Variants in DOCK5 observed in about 807,000 individuals in gnomAD.
The protein encoded by DOCK5 is dedicator of cytokinesis protein 5.
Under a neutral mutation model 251.8 loss-of-function variants are expected in DOCK5, and 142 were observed. The ratio of observed to expected loss-of-function variants is 0.56; its 90% CI spans 0.49 to 0.65. DOCK5 has a LOEUF of 0.65. DOCK5 is among the 30% of genes least tolerant of loss of function. DOCK5 has a pLI of 0.00. For synonymous variants in DOCK5, 842 were observed against 835.5 expected (o/e 1.01, Z -0.13); for missense variants, 2,111 against 2,312.3 (o/e 0.91, Z 1.79).
rs1205298349 is a variant in DOCK5, at chr8:25,414,924, A to ATTTTTTTTT, written c.*3630_*3631insTTTTTTTTT. The ATTTTTTTTT allele has an allele frequency of 1.2e-3, 78 of 64,222 alleles. No individual in the cohort carries two copies. The highest frequency in any genetic ancestry group is 8.2e-3 in the Middle Eastern group (1 of 122). The allele number at this position is 64,222 out of a possible 1,614,324, so 4.0% of individuals were successfully genotyped here. On this transcript the variant is annotated 3_prime_UTR_variant, in exon 52 of 52. Coordinates refer to ENST00000276440, the MANE Select transcript of DOCK5 (RefSeq NM_024940.8). ...CTGGGCCTGTCTTTTTTTTTTTTTA[A>ATTTTTTTTT]TTTTGAAGCTACCTGAGGTTTAGAA...
chr8:25,219,401 C>G (rs924734303), intron 1 of DOCK5, among the ~76,000 whole-genome samples: 4 of 152,144 alleles, frequency 2.6e-5, no homozygotes, highest in Non-Finnish European at 4.4e-5. Flanking sequence ...CATAGTCGCT[C>G]TTTATATCTC....
intron 39 of DOCK5, 103 bp from the exon 40 acceptor site, chr8:25,382,571 T>C: frequency 4.4e-6 from 4 of 907,128 alleles, no homozygotes; most frequent in Non-Finnish European, 6.8e-6. Context: ...GACCTTTCAT[T>C]GCTCTGGGTT....
In DOCK5 at chr8:25,355,712, A is replaced by G. The variant is rs551349437; in HGVS notation, c.2851-3251A>G. 4.9e-4 allele frequency among the ~76,000 whole-genome samples: 75 copies of G among 152,304 alleles called. 2 individuals carry two copies. In the South Asian group the frequency reaches 9.1e-3, roughly 19 times the overall value. On this transcript the variant is annotated intron_variant, in intron 27 of 51. Transcript: ENST00000276440. ...TGATCCACCCGCCTTAGCATCCTAA[A>G]GTGCTGGGATTACAGGCATGAGCCA...
chr8:25,205,196 T>C (rs766042300), intron 1 of DOCK5, among the ~76,000 whole-genome samples: 3 of 152,094 alleles, frequency 2.0e-5, no homozygotes, highest in Middle Eastern at 3.4e-3. Flanking sequence ...CTGTGCCTGG[T>C]CTCTTCTTTT....
intron 1 of DOCK5, among the ~76,000 whole-genome samples, chr8:25,217,626 G>A (rs780392018): frequency 3.9e-5 from 6 of 152,176 alleles, no homozygotes; most frequent in Non-Finnish European, 5.9e-5. Flanking sequence ...GGTGGGTTAT[G>A]TTGGTGGAGA....
intron 18 of DOCK5, among the ~76,000 whole-genome samples, chr8:25,326,462 A>G (rs1422137674): frequency 1.3e-5 from 2 of 152,186 alleles, no homozygotes; most frequent in African/African-American, 4.8e-5. Flanking sequence ...TTCAACTTGG[A>G]CAAGTGGCTA....
At chr8:25,350,271 T>C (rs1430743000) in intron 26 of DOCK5, among the ~76,000 whole-genome samples, 1 of 152,182 alleles carries the variant, frequency 6.6e-6, no homozygotes. Context: ...ATGATTTAGT[T>C]ATTTGAAGCA....
chr8:25,226,453 G>A (rs1029141649), intron 1 of DOCK5, among the ~76,000 whole-genome samples: 7 of 151,568 alleles, frequency 4.6e-5, no homozygotes, highest in South Asian at 2.1e-4. Flanking sequence ...TATTAGAGAC[G>A]GGGTTTCGCC....
chr8:25,395,631 ACCGGTC>A lies in DOCK5; in HGVS notation c.4619_4624del (p.Arg1540_Ser1541del). 1 of 1,613,392 alleles carries A rather than the reference ACCGGTC, an allele frequency of 6.2e-7. No homozygotes were observed. The highest frequency in any genetic ancestry group is 8.5e-7 in the Non-Finnish European group (1 of 1,179,750). On this transcript the variant is annotated inframe_deletion, in exon 45 of 52. Transcript: ENST00000276440. ...AACTGTGTTCAGCAGCATGCCTGGG[ACCGGTC>A]CCTCTCTGTGCACCCTCTCTCCATG...
At chr8:25,318,592 CTTTTTTTTTT>C (rs546657586) in intron 14 of DOCK5, among the ~76,000 whole-genome samples, 1 of 88,248 alleles carries the variant, frequency 1.1e-5, no homozygotes, top group African/African-American at 4.5e-5. Context: ...TTCTTTCCTT[CTTTTTTTTTT>C]TTTTTTTTTT....
At position 25,392,075 on chromosome 8, in the gene DOCK5, G is replaced by A. The variant is rs115057134; in HGVS notation, c.4440+95G>A. 4,877 of 1,171,984 alleles carry A rather than the reference G, an allele frequency of 4.2e-3. 145 individuals carry two copies. In the African/African-American group the frequency reaches 0.067, roughly 16 times the overall value. The allele number at this position is 1,171,984 out of a possible 1,614,324, so 72.6% of individuals were successfully genotyped here. ...TCCCAGCATTCTGGGAGGCCGATGC[G>A]GGCGGATCACGAAGTCAAGAGATCG... On this transcript the variant is annotated intron_variant, in intron 43 of 51. Coordinates refer to ENST00000276440, the MANE Select transcript of DOCK5 (RefSeq NM_024940.8).
chr8:25,408,208 C>G, intron 49 of DOCK5, 54 bp downstream of exon 49: 1 of 1,509,116 alleles, frequency 6.6e-7, no homozygotes. Context: ...CCCCTCTCCC[C>G]TGTACCCAGG....
chr8:25,361,039 C>T (rs1410934491), intron 28 of DOCK5, among the ~76,000 whole-genome samples: 2 of 152,128 alleles, frequency 1.3e-5, no homozygotes, highest in Non-Finnish European at 2.9e-5. Context: ...CACAGCTAGG[C>T]CTTTGCCTCC....
At chr8:25,243,190 G>A (rs184428299) in intron 1 of DOCK5, among the ~76,000 whole-genome samples, 6 of 152,242 alleles carry the variant, frequency 3.9e-5, no homozygotes, top group East Asian at 3.9e-4. Context: ...AACACAGTTC[G>A]TGATGTGTAG....
chr8:25,222,387 C>T (rs546768672), intron 1 of DOCK5, among the ~76,000 whole-genome samples: 26 of 152,220 alleles, frequency 1.7e-4, no homozygotes, highest in African/African-American at 6.0e-4. Flanking sequence ...ATTATGTTCA[C>T]TTCTAGGCTG....
intron 36 of DOCK5, 69 bp downstream of exon 36, chr8:25,373,727 C>A (rs1043965366): frequency 7.7e-6 from 11 of 1,432,396 alleles, no homozygotes; most frequent in Non-Finnish European, 1.0e-5. Context: ...CTTCAGTAAA[C>A]AAATACTTTC....
intron 47 of DOCK5, among the ~76,000 whole-genome samples, chr8:25,402,833 A>C (rs532875526): frequency 7.9e-5 from 12 of 152,020 alleles, no homozygotes; most frequent in African/African-American, 2.9e-4. Flanking sequence ...TTTCTCCCCC[A>C]TTCCTGTCTG....
chr8:25,316,987 G>A lies in DOCK5; in HGVS notation c.1319-20G>A. 2 of 1,613,166 alleles carry A rather than the reference G, an allele frequency of 1.2e-6. No homozygotes were observed. The highest frequency in any genetic ancestry group is 8.5e-7 in the Non-Finnish European group (1 of 1,179,358). On this transcript the variant is annotated intron_variant, in intron 13 of 51. Coordinates refer to ENST00000276440, the MANE Select transcript of DOCK5 (RefSeq NM_024940.8). ...ATGACTTCTCTCAGCAACACTCACAGCATGCTTATCATGTTGCAGGAGATG... is the reference window on the plus strand; with the variant it reads ...ATGACTTCTCTCAGCAACACTCACAACATGCTTATCATGTTGCAGGAGATG...
At chr8:25,250,785 G>T (rs56081271) in intron 2 of DOCK5, among the ~76,000 whole-genome samples, 1 of 152,202 alleles carries the variant, frequency 6.6e-6, no homozygotes, top group Non-Finnish European at 1.5e-5. Flanking sequence ...GGGGAGAAGA[G>T]GGTGGTATTG....
Sources: allele counts gnomAD v4.1 joint callset (sites outside exome capture counted in the v4.1 genomes callset), GRCh38; gene constraint gnomAD v4.1.1; transcripts MANE v1.5; gene names NCBI Gene and HGNC (gene_info 2026-07-23, HGNC 2026-07-21).